The following MED17 variants were observed in gnomAD, a reference collection of about 807,000 sequenced individuals.
The protein encoded by MED17 is mediator complex subunit 17.
Under a neutral mutation model 80.8 loss-of-function variants are expected in MED17, and 49 were observed. The observed-to-expected ratio is 0.61, with a 90% confidence interval of 0.48 to 0.77. MED17 has a LOEUF of 0.77. MED17 is among the 30% of genes least tolerant of loss of function. MED17 has a pLI of 0.00. For missense variants in MED17, 718 were observed against 787.0 expected (o/e 0.91, Z 1.05); for synonymous variants, 281 against 280.4 (o/e 1.00, Z -0.02).
chr11:93,789,919 C>T (rs1943814533), intron 2 of MED17: 1 of 154,052 alleles, frequency 6.5e-6, no homozygotes, highest in Non-Finnish European at 1.4e-5. Context: ...GATGGTGGTA[C>T]TGCATTCTAG....
chr11:93,788,296 A>C, intron 2 of MED17, 129 bp downstream of exon 2: 1 of 751,052 alleles, frequency 1.3e-6, no homozygotes, highest in African/African-American at 1.8e-5. Context: ...TTAAAGACTA[A>C]CTGGTCTAAA....
chr11:93,803,264 C>T (rs1263920622), intron 9 of MED17, among the ~76,000 whole-genome samples: 1 of 152,134 alleles, frequency 6.6e-6, no homozygotes, highest in East Asian at 1.9e-4. Flanking sequence ...TGTTTTCTTT[C>T]TTTTTGATTT....
rs544497508 is a variant in MED17 at position 93,796,406 on chromosome 11, A to G, written c.1013-4A>G. The G allele has an allele frequency of 1.1e-5, 17 of 1,610,906 alleles. No homozygotes were observed. The African/African-American group carries it at 1.2e-4, about 11-fold the overall frequency. On this transcript the variant is annotated splice_region_variant and splice_polypyrimidine_tract_variant and intron_variant, in intron 6 of 11. Transcript: ENST00000251871. The stretch of plus-strand genomic sequence containing the variant: ...ACATATGTCCTCCTTCTTTTTATAA[A>G]TAGGCTTGCAGTTATCTATTTCTTT...
At chr11:93,796,304 A>G in intron 6 of MED17, 106 bp from the exon 7 acceptor site, 7 of 1,121,908 alleles carry the variant, frequency 6.2e-6, no homozygotes, top group Non-Finnish European at 9.3e-6. Flanking sequence ...CTTCAAGTTT[A>G]GAATATATCT....
chr11:93,806,917 T>C (rs774976212), intron 9 of MED17: 1 of 152,508 alleles, frequency 6.6e-6, no homozygotes, highest in Non-Finnish European at 1.5e-5. Context: ...ATATACCCAA[T>C]TGGATCTCAT....
Position 93,793,753 on chromosome 11 carries a change from A to G in MED17, c.663A>G (p.Thr221=). 6.3e-7 allele frequency: 1 copy of G among 1,584,064 alleles called. No homozygotes were observed. The highest frequency in any genetic ancestry group is 2.2e-5 in the East Asian group (1 of 44,690). Reference sequence around the variant, plus strand: ...GATCTCTCTTTCCTCATCATGGTACATTTGAAGTAATAAAGAATACAGATC... The same window carrying G: ...GATCTCTCTTTCCTCATCATGGTACGTTTGAAGTAATAAAGAATACAGATC... ...SAGSLFPHHG[T]FEVIKNTDLD... The change falls in exon 4 of 12, where the codon ACA becomes ACG. Residue 221 remains threonine (T), a synonymous_variant. Coordinates refer to ENST00000251871, the MANE Select transcript of MED17 (RefSeq NM_004268.5).
chr11:93,812,500 G>GTGATCATGGTTCACTGCAGTCT lies in MED17; in HGVS notation c.*440_*461dup, dbSNP rs1944094313. 7.6e-6 allele frequency: 2 copies of GTGATCATGGTTCACTGCAGTCT among 261,872 alleles called. No homozygotes were observed. The highest frequency in any genetic ancestry group is 4.5e-5 in the African/African-American group (2 of 44,042). 16.2% of individuals were successfully genotyped at this position (261,872 alleles called of 1,614,324 possible). On this transcript the variant is annotated 3_prime_UTR_variant, in exon 12 of 12. Transcript: ENST00000251871. The stretch of plus-strand genomic sequence containing the variant: ...GTAGCCCAGTCTGGAGTGCAGTGGT[G>GTGATCATGGTTCACTGCAGTCT]TGATCATGGTTCACTGCAGTCTTGA...
At chr11:93,811,147 C>T (rs964070349) in intron 11 of MED17, 1 of 152,292 alleles carries the variant, frequency 6.6e-6, no homozygotes, top group Non-Finnish European at 1.5e-5. Flanking sequence ...GCTTGTGAAT[C>T]TGCAAGCTTG....
chr11:93,798,862 A>C (rs1591387149), intron 8 of MED17, among the ~76,000 whole-genome samples: 1 of 152,182 alleles, frequency 6.6e-6, no homozygotes, highest in East Asian at 1.9e-4. Flanking sequence ...ATTTGAGTAG[A>C]TCGTTAGTCT....
chr11:93,796,497 AC>A lies in MED17; in HGVS notation c.1102del (p.Leu368PhefsTer4), dbSNP rs768756193. ...FATEKQCPEDHLYVLEHNLHL... is the reference protein window; with the variant it reads ...FATEKQCPEDXLYVLEHNLHL... ...ACTGAGAAGCAATGTCCGGAGGACC[AC>A]CTTTATGTCCTAGAGCATAATTTGC... On this transcript the variant is annotated frameshift_variant, in exon 7 of 12. Coordinates refer to ENST00000251871, the MANE Select transcript of MED17 (RefSeq NM_004268.5). LOFTEE classifies it high-confidence loss of function. 2 of 1,613,964 alleles carry A rather than the reference AC, an allele frequency of 1.2e-6. No homozygotes were observed. The highest frequency in any genetic ancestry group is 1.3e-5 in the African/African-American group (1 of 74,938).
At chr11:93,801,209 A>C (rs1467661745) in intron 8 of MED17, 1 of 152,254 alleles carries the variant, frequency 6.6e-6, no homozygotes, top group Admixed American at 6.5e-5. Flanking sequence ...CCTACCTAAT[A>C]AGGTTAAGAT....
At chr11:93,804,073 T>A (rs1348951948) in intron 9 of MED17, among the ~76,000 whole-genome samples, 1 of 146,602 alleles carries the variant, frequency 6.8e-6, no homozygotes, top group Admixed American at 6.8e-5. Flanking sequence ...AAAGGGGAGT[T>A]TATTAAGTAT....
In MED17 at chr11:93,784,521, G is replaced by A; in HGVS notation, c.8G>A (p.Gly3Glu). The change falls in exon 1 of 12, where the codon GGG becomes GAG. Residue 3 changes from glycine (G) to glutamate (E), a missense_variant. Physicochemically the swap from Gly to Glu is moderately conservative, Grantham distance 98. Transcript: ENST00000251871. ...CTGGCCGACGCAGCCAGCATGTCCG[G>A]GGTGCGCGCAGTGCGGATCAGCATC... MS[G>E]VRAVRISIES... 6.2e-7 allele frequency: 1 copy of A among 1,602,298 alleles called. No homozygotes were observed. Among genetic ancestry groups the A allele is most frequent in the Non-Finnish European group, 8.5e-7 (1 of 1,172,440 alleles).
Position 93,812,590 on chromosome 11 carries a change from A to G in MED17, c.*526A>G, listed in dbSNP as rs1182894781. ...AGTAGCTGGGACCACAGGCATGCAC[A>G]ACCACGCCTGGCTAATTTTTGTATT... is the stretch of plus-strand genomic sequence containing the variant. On this transcript the variant is annotated 3_prime_UTR_variant, in exon 12 of 12. Coordinates refer to ENST00000251871, the MANE Select transcript of MED17 (RefSeq NM_004268.5). 3 of 162,564 alleles carry G rather than the reference A, an allele frequency of 1.8e-5. No individual in the cohort carries two copies. Among genetic ancestry groups the G allele is most frequent in the Non-Finnish European group, 2.7e-5 (2 of 75,242 alleles). The allele number at this position is 162,564 out of a possible 1,614,324, so 10.1% of individuals were successfully genotyped here.
chr11:93,784,496 C>T lies in MED17; in HGVS notation c.-18C>T. The T allele has an allele frequency of 1.3e-6, 2 of 1,589,574 alleles. No homozygotes were observed. The highest frequency in any genetic ancestry group is 1.7e-6 in the Non-Finnish European group (2 of 1,165,422). Reference sequence around the variant, plus strand: ...TGGCTCGTGGGGGGTCCTCCCACCGCTGGCCGACGCAGCCAGCATGTCCGG... The same window carrying T: ...TGGCTCGTGGGGGGTCCTCCCACCGTTGGCCGACGCAGCCAGCATGTCCGG... On this transcript the variant is annotated 5_prime_UTR_variant, in exon 1 of 12. Coordinates refer to ENST00000251871, the MANE Select transcript of MED17 (RefSeq NM_004268.5).
intron 2 of MED17, chr11:93,788,449 A>G (rs1275260342): frequency 1.7e-5 from 5 of 296,012 alleles, no homozygotes; most frequent in South Asian, 1.3e-4. Context: ...TGGGAGGCCA[A>G]GGCGGGCAGA....
chr11:93,791,015 T>C (rs1195031576), intron 3 of MED17, among the ~76,000 whole-genome samples: 1 of 151,796 alleles, frequency 6.6e-6, no homozygotes, highest in Non-Finnish European at 1.5e-5. Flanking sequence ...GGCTGAGGCA[T>C]GAGAATTGCT....
In MED17 at chr11:93,809,851, C is replaced by T. The variant is rs2135723124; in HGVS notation, c.1719C>T (p.Ser573=). 1 of 1,614,096 alleles carries T rather than the reference C, an allele frequency of 6.2e-7. No homozygotes were observed. The highest frequency in any genetic ancestry group is 8.5e-7 in the Non-Finnish European group (1 of 1,180,030). Residue 573 remains serine (S), a synonymous_variant, in exon 11 of 12, where the codon TCC becomes TCT. Transcript: ENST00000251871. ...IGNASAITVA[S]PSGDYAISVR... is the part of the protein sequence containing the mutation. The stretch of plus-strand genomic sequence containing the variant: ...ATGCATCTGCCATCACGGTGGCCTC[C>T]CCAAGTGGTGACTATGCTATTTCAG...
At chr11:93,793,393 A>G (rs868248334) in intron 3 of MED17, 11 of 259,382 alleles carry the variant, frequency 4.2e-5, no homozygotes, top group South Asian at 8.4e-5. Context: ...CTGGGATTAC[A>G]GGCATGAGCC....
Sources: gnomAD v4.1 joint callset for allele counts (sites outside exome capture counted in the v4.1 genomes callset) on GRCh38, gnomAD v4.1.1 for gene constraint, MANE v1.5 for transcripts, NCBI Gene and HGNC (gene_info 2026-07-23, HGNC 2026-07-21) for gene names.